A2ML1: variants seen among roughly 807,000 people sequenced by gnomAD.
The protein encoded by A2ML1 is alpha-2-macroglobulin like 1, also known as alpha-2-macroglobulin-like protein 1.
A2ML1 carries 161 observed loss-of-function variants against 181.9 expected under a neutral mutation model. The observed-to-expected ratio is 0.89, with a 90% confidence interval of 0.78 to 1.01. A2ML1 has a LOEUF of 1.01. A2ML1 is among the 50% of genes least tolerant of loss of function. A2ML1 has a pLI of 0.00. For missense variants in A2ML1, 1,670 were observed against 1,768.1 expected (o/e 0.94, Z 1.00); for synonymous variants, 663 against 666.8 (o/e 0.99, Z 0.09).
chr12:8,846,403 T>C (rs902347178), intron 14 of A2ML1, among the ~76,000 whole-genome samples, 181 bp downstream of exon 14: 5 of 152,130 alleles, frequency 3.3e-5, no homozygotes, highest in African/African-American at 1.2e-4. Context: ...TCCTACTTTT[T>C]ATTTTAAGAA....
chr12:8,837,607 C>T (rs772974921), intron 8 of A2ML1, 41 bp downstream of exon 8: 47 of 1,580,056 alleles, frequency 3.0e-5, no homozygotes, highest in Admixed American at 1.2e-4. Context: ...ATCGGCCAGG[C>T]ACGGTGGCTC....
chr12:8,847,616 C>T lies in A2ML1; in HGVS notation c.1751C>T (p.Ala584Val). The T allele has an allele frequency of 6.2e-7, 1 of 1,613,758 alleles. No individual in the cohort carries two copies. Among genetic ancestry groups the T allele is most frequent in the Non-Finnish European group, 8.5e-7 (1 of 1,179,852 alleles). The change falls in exon 15 of 36, where the codon GCT becomes GTT. Residue 584 changes from alanine (A) to valine (V), a missense_variant. Coordinates refer to ENST00000299698, the MANE Select transcript of A2ML1 (RefSeq NM_144670.6). ...GAEVELQLQA[A>V]PGSLCALRAV... ...GAAGTGGAGCTGCAGCTGCAGGCAG[C>T]TCCCGGATCCCTGTGTGCGCTCCGG...
chr12:8,857,444 G>T, intron 24 of A2ML1, 63 bp from the exon 25 acceptor site: 2 of 1,606,688 alleles, frequency 1.2e-6, no homozygotes, highest in South Asian at 2.2e-5. Context: ...CCATATCCTT[G>T]AACGGCATGG....
chr12:8,847,868 G>A (rs1284029689), intron 15 of A2ML1, among the ~76,000 whole-genome samples, 170 bp downstream of exon 15: 9 of 152,126 alleles, frequency 5.9e-5, no homozygotes, highest in Admixed American at 1.3e-4. Context: ...GGCTGGGCAC[G>A]GTGGCTCACG....
At chr12:8,887,285 G>A (rs1944930636), downstream of A2ML1, among the ~76,000 whole-genome samples, 1 of 152,184 alleles carries the variant, frequency 6.6e-6, no homozygotes. Context: ...TAGACATGAA[G>A]TAGCCCCCCT....
intron 25 of A2ML1, 171 bp from the exon 26 acceptor site, chr12:8,857,775 C>T (rs1437512305): frequency 9.0e-7 from 1 of 1,116,336 alleles, no homozygotes; most frequent in African/African-American, 1.6e-5. Context: ...TTGTGCCTCC[C>T]CTGTTCTTGT....
At position 8,852,880 on chromosome 12, in the gene A2ML1, G is replaced by C. The variant is rs1943939200; in HGVS notation, c.2590+544G>C. ...CCGGCTAATTTTTGTACTTTTAGTA[G>C]AGGTGGGGTTTTGCCATGTTGGCCA... On this transcript the variant is annotated intron_variant, in intron 20 of 35. Transcript: ENST00000299698. This position sits in a 1 kb window ranked among gnomAD's most constrained non-coding sequence, Gnocchi z 4.2. Among the ~76,000 whole-genome samples the C allele has an allele frequency of 6.6e-6, 1 of 152,134 alleles. No individual in the cohort carries two copies. The highest frequency in any genetic ancestry group is 1.5e-5 in the Non-Finnish European group (1 of 68,034).
At chr12:8,874,235 G>A (rs1156790005) in intron 33 of A2ML1, among the ~76,000 whole-genome samples, 190 bp from the exon 34 acceptor site, 1 of 151,940 alleles carries the variant, frequency 6.6e-6, no homozygotes, top group Non-Finnish European at 1.5e-5. Context: ...AGGCTGGTCT[G>A]GAACTCCTGA....
At chr12:8,867,792 A>T in intron 29 of A2ML1, 50 bp from the exon 30 acceptor site, 3 of 1,547,446 alleles carry the variant, frequency 1.9e-6, no homozygotes, top group Non-Finnish European at 2.7e-6. Flanking sequence ...TTCAAGGTTA[A>T]TTCCAATGGC....
At chr12:8,857,629 C>G in intron 25 of A2ML1, 41 bp downstream of exon 25, 6 of 1,582,068 alleles carry the variant, frequency 3.8e-6, no homozygotes. Flanking sequence ...TACTCCAGAG[C>G]ATAATTCCTG....
At chr12:8,866,952 G>A (rs1012261291) in intron 29 of A2ML1, among the ~76,000 whole-genome samples, 3 of 152,002 alleles carry the variant, frequency 2.0e-5, no homozygotes, top group African/African-American at 7.2e-5. Flanking sequence ...TATGAATTAT[G>A]TTTTCAGAAT....
In A2ML1 at chr12:8,848,705, C is replaced by T. The variant is rs778477466; in HGVS notation, c.1834-15C>T. ...CTATATCAATGCTTTATTTCCTCTC[C>T]CCCTCTTGTCCCAGGTCTATGGGAT... On this transcript the variant is annotated splice_polypyrimidine_tract_variant and intron_variant, in intron 15 of 35. Coordinates refer to ENST00000299698, the MANE Select transcript of A2ML1 (RefSeq NM_144670.6). 2 of 1,577,214 alleles carry T rather than the reference C, an allele frequency of 1.3e-6. No homozygotes were observed. The highest frequency in any genetic ancestry group is 1.7e-6 in the Non-Finnish European group (2 of 1,161,280).
At chr12:8,832,664 G>A (rs916343152) in intron 4 of A2ML1, among the ~76,000 whole-genome samples, 1 of 152,120 alleles carries the variant, frequency 6.6e-6, no homozygotes, top group East Asian at 1.9e-4. Flanking sequence ...TTAATCTTCA[G>A]GTGTGGGCTA....
chr12:8,856,565 G>C (rs1484847418), intron 23 of A2ML1, among the ~76,000 whole-genome samples: 4 of 152,182 alleles, frequency 2.6e-5, no homozygotes, highest in Non-Finnish European at 5.9e-5. Flanking sequence ...CTGTGTTTTA[G>C]AGAAACTTGG....
chr12:8,858,786 A>G (rs1308634699), intron 26 of A2ML1, among the ~76,000 whole-genome samples: 1 of 152,060 alleles, frequency 6.6e-6, no homozygotes, highest in African/African-American at 2.4e-5. Flanking sequence ...ACACACTGAA[A>G]TTTGATACTA....
chr12:8,852,825 A>G lies in A2ML1; in HGVS notation c.2590+489A>G, dbSNP rs1943936951. On this transcript the variant is annotated intron_variant, in intron 20 of 35. Transcript: ENST00000299698. This position sits in a 1 kb window ranked among gnomAD's most constrained non-coding sequence, Gnocchi z 4.2. ...GATTCTCCTGCCAAGCCTCCCAAGT[A>G]GCTAGGATTACAGTCGCGTGCCACC... Among the ~76,000 whole-genome samples the G allele has an allele frequency of 2.0e-5, 3 of 151,686 alleles. No homozygotes were observed. In the South Asian group the frequency reaches 6.2e-4, roughly 32 times the overall value.
chr12:8,883,227 C>T (rs1282553813), intron 7 of A2ML1, among the ~76,000 whole-genome samples: 1 of 152,090 alleles, frequency 6.6e-6, no homozygotes, highest in Admixed American at 6.6e-5. Flanking sequence ...TCCCATCTCC[C>T]CCATCAGAGT....
Position 8,868,250 on chromosome 12 carries a change from T to C in A2ML1, c.3954T>C (p.Ile1318=), listed in dbSNP as rs758275499. The C allele has an allele frequency of 1.9e-6, 3 of 1,613,866 alleles. No homozygotes were observed. In the South Asian group the frequency reaches 3.3e-5, roughly 18 times the overall value. The change falls in exon 31 of 36, where the codon ATT becomes ATC. Residue 1318 remains isoleucine (I), a synonymous_variant. Transcript: ENST00000299698. Reference sequence around the variant, plus strand: ...ACCAGACGGTGTTGAGATACAATATTCTCCCTCCCACAAATATGAAGACCT... The same window carrying C: ...ACCAGACGGTGTTGAGATACAATATCCTCCCTCCCACAAATATGAAGACCT... ...VYVQTVLRYN[I]LPPTNMKTFS...
At chr12:8,846,321 T>G in intron 14 of A2ML1, 99 bp downstream of exon 14, 2 of 1,392,402 alleles carry the variant, frequency 1.4e-6, no homozygotes, top group Non-Finnish European at 2.0e-6. Flanking sequence ...GGAAAGAAGA[T>G]AGTGTTGACG....
Sources: allele counts gnomAD v4.1 joint callset (sites outside exome capture counted in the v4.1 genomes callset), GRCh38; gene constraint gnomAD v4.1.1; non-coding constraint Gnocchi (gnomAD v3.1); transcripts MANE v1.5; gene names NCBI Gene and HGNC (gene_info 2026-07-23, HGNC 2026-07-21).